Variants in SPMIP2 observed in about 807,000 individuals in gnomAD.
The protein encoded by SPMIP2 is protein SPMIP2.
the SPMIP2 span, among the ~76,000 whole-genome samples, chr4:158,928,761 G>A: frequency 6.6e-6 from 1 of 152,134 alleles, no homozygotes; most frequent in Non-Finnish European, 1.5e-5. Flanking sequence ...TTTATGAGCT[G>A]TAACACCGCT....
At chr4:158,938,700 A>T in the SPMIP2 span, among the ~76,000 whole-genome samples, 1 of 152,214 alleles carries the variant, frequency 6.6e-6, no homozygotes, top group Non-Finnish European at 1.5e-5. Flanking sequence ...CTCTAAATCA[A>T]GCATGTTGTC....
the SPMIP2 span, among the ~76,000 whole-genome samples, chr4:158,967,191 A>G: frequency 6.6e-6 from 1 of 152,230 alleles, no homozygotes; most frequent in African/African-American, 2.4e-5. Context: ...AATGTATTTG[A>G]GAATCCTATA....
the SPMIP2 span, chr4:158,915,280 C>T: frequency 6.2e-7 from 1 of 1,613,524 alleles, no homozygotes; most frequent in Admixed American, 1.7e-5. Flanking sequence ...TGATCAGTGT[C>T]CTCGAAAGCA....
chr4:159,060,022 G>A, the SPMIP2 span, among the ~76,000 whole-genome samples: 1 of 152,196 alleles, frequency 6.6e-6, no homozygotes, highest in African/African-American at 2.4e-5. Flanking sequence ...ACAGAATGGT[G>A]AGTCCTACCG....
At chr4:159,032,881 C>T in the SPMIP2 span, among the ~76,000 whole-genome samples, 1,380 of 150,938 alleles carry the variant, frequency 9.1e-3, 23 homozygotes, top group African/African-American at 0.032. Context: ...GATGGACATG[C>T]AAAATAGTAT....
the SPMIP2 span, among the ~76,000 whole-genome samples, chr4:159,028,870 G>A: frequency 6.6e-6 from 1 of 152,130 alleles, no homozygotes; most frequent in Non-Finnish European, 1.5e-5. Flanking sequence ...GAAGGCTGGT[G>A]GATCACTTGA....
the SPMIP2 span, among the ~76,000 whole-genome samples, chr4:158,932,643 T>C: frequency 6.6e-6 from 1 of 152,172 alleles, no homozygotes; most frequent in African/African-American, 2.4e-5. Context: ...CAAATGTCCA[T>C]GGGGTAGAGC....
the SPMIP2 span, among the ~76,000 whole-genome samples, chr4:158,921,544 G>C: frequency 6.6e-6 from 1 of 152,172 alleles, no homozygotes. Context: ...AGATGTGCCT[G>C]CTTCTGCTTT....
chr4:158,928,346 C>G, the SPMIP2 span, among the ~76,000 whole-genome samples: 2 of 149,228 alleles, frequency 1.3e-5, no homozygotes, highest in Non-Finnish European at 3.0e-5. Context: ...ATACACCAAT[C>G]GGCACTCTGT....
At chr4:158,911,801 T>A in the SPMIP2 span, among the ~76,000 whole-genome samples, 1 of 151,800 alleles carries the variant, frequency 6.6e-6, no homozygotes, top group Non-Finnish European at 1.5e-5. Context: ...CAAACTCGAG[T>A]GGATGAGGAA....
At chr4:158,979,789 G>GTTTTTTTTT in the SPMIP2 span, among the ~76,000 whole-genome samples, 10 of 104,504 alleles carry the variant, frequency 9.6e-5, no homozygotes, top group African/African-American at 3.3e-4. Context: ...AGTTGCAAGA[G>GTTTTTTTTT]TTTTTTTTTT....
At chr4:159,075,834 T>A in the SPMIP2 span, among the ~76,000 whole-genome samples, 3 of 151,704 alleles carry the variant, frequency 2.0e-5, no homozygotes, top group African/African-American at 7.3e-5. Flanking sequence ...TATTTTGTAA[T>A]GAGGGCTCAC....
At chr4:158,982,641 T>C in the SPMIP2 span, among the ~76,000 whole-genome samples, 2 of 152,046 alleles carry the variant, frequency 1.3e-5, no homozygotes. Context: ...AATAACGAAA[T>C]GAAGGCAGAA....
the SPMIP2 span, among the ~76,000 whole-genome samples, chr4:158,911,312 CGCT>C: frequency 4.6e-5 from 7 of 150,926 alleles, no homozygotes; most frequent in East Asian, 1.4e-3. Context: ...TGTGCCACTA[CGCT>C]ACAGCCTGGG....
chr4:158,956,696 C>T, the SPMIP2 span, among the ~76,000 whole-genome samples: 19 of 152,192 alleles, frequency 1.2e-4, no homozygotes, highest in African/African-American at 3.6e-4. Context: ...ATTGTTAAAT[C>T]TGCTTCATCA....
At chr4:158,900,025 C>G in the SPMIP2 span, among the ~76,000 whole-genome samples, 2 of 152,152 alleles carry the variant, frequency 1.3e-5, no homozygotes, top group African/African-American at 4.8e-5. Flanking sequence ...TAAATGTGTC[C>G]TAAAGATTCG....
the SPMIP2 span, among the ~76,000 whole-genome samples, chr4:158,942,099 A>G: frequency 6.6e-6 from 1 of 152,236 alleles, no homozygotes; most frequent in East Asian, 1.9e-4. Context: ...AGGCTGCTAG[A>G]CAGAAACAAG....
the SPMIP2 span, among the ~76,000 whole-genome samples, chr4:159,037,781 TATATACAC>T: frequency 9.8e-3 from 1,159 of 117,996 alleles, 16 homozygotes; most frequent in African/African-American, 0.033. Context: ...TCAAAAACAA[TATATACAC>T]ACACACACAC....
chr4:158,970,612 A>G, the SPMIP2 span, among the ~76,000 whole-genome samples: 1 of 152,108 alleles, frequency 6.6e-6, no homozygotes, highest in African/African-American at 2.4e-5. Flanking sequence ...CCTTAGATGT[A>G]GAGGGAGAGA....
Sources: allele counts gnomAD v4.1 joint callset (sites outside exome capture counted in the v4.1 genomes callset), GRCh38; gene constraint gnomAD v4.1.1; transcripts MANE v1.5; gene names NCBI Gene and HGNC (gene_info 2026-07-23, HGNC 2026-07-21).